The following PTPRD variants were observed in gnomAD, a reference collection of about 807,000 sequenced individuals.
PTPRD encodes the protein protein tyrosine phosphatase receptor type D.
A neutral mutation model predicts 214.5 loss-of-function variants in PTPRD; 34 were observed. The observed-to-expected ratio is 0.16, with a 90% CI of 0.12 to 0.21. The LOEUF (loss-of-function observed/expected upper bound fraction) is 0.21. Among genes scored for constraint, PTPRD ranks in the 10% least tolerant of loss-of-function variants. The pLI is 1.00. For missense variants in PTPRD, 2,545 were observed against 2,398.7 expected (o/e 1.06, Z -1.27); for synonymous variants, 1,128 against 845.7 (o/e 1.33, Z -5.79).
chr9:10,563,037 C>T (rs1013664415), intron 2 of PTPRD, among the ~76,000 whole-genome samples: 2 of 152,108 alleles, frequency 1.3e-5, no homozygotes, highest in African/African-American at 2.4e-5. Flanking sequence ...TACTACAGAG[C>T]CTAGACATAA....
chr9:10,340,270 G>A (rs561178977), intron 3 of PTPRD, among the ~76,000 whole-genome samples: 72 of 151,832 alleles, frequency 4.7e-4, no homozygotes, highest in Admixed American at 1.3e-3. Flanking sequence ...TTCTCATAGC[G>A]ACCAGTTTTC....
intron 2 of PTPRD, among the ~76,000 whole-genome samples, chr9:10,478,214 C>A (rs966116891): frequency 9.9e-5 from 15 of 152,072 alleles, no homozygotes; most frequent in African/African-American, 3.6e-4. Flanking sequence ...AAAGTATAGT[C>A]ATTATTTCCC....
At position 8,389,265 on chromosome 9, in the gene PTPRD, A is replaced by G. The variant is rs765793668; in HGVS notation, c.4353T>C (p.Val1451=). ...RMIWEQRSAT[V]VMMTKLEERS... ...TTTCTTCTAGTTTTGTCATCATGAC[A>G]ACTGTGGCACTCCGTTGTTCCCATA... The change falls in exon 37 of 46, where the codon GTT becomes GTC. Residue 1451 remains valine, a synonymous_variant. Transcript: ENST00000381196. 1 of 1,611,976 alleles carries G rather than the reference A, an allele frequency of 6.2e-7. No individual in the cohort carries two copies. The highest frequency in any genetic ancestry group is 1.1e-5 in the South Asian group (1 of 90,714).
intron 3 of PTPRD, among the ~76,000 whole-genome samples, chr9:10,118,237 T>A (rs2098746957): frequency 6.6e-6 from 1 of 151,862 alleles, no homozygotes; most frequent in Non-Finnish European, 1.5e-5. Flanking sequence ...TCTATCTACA[T>A]ATATCCATTA....
intron 5 of PTPRD, among the ~76,000 whole-genome samples, chr9:9,865,203 C>T (rs1422069538): frequency 4.6e-5 from 7 of 152,202 alleles, no homozygotes; most frequent in Admixed American, 2.6e-4. Flanking sequence ...AGCAATAAAT[C>T]TATTTACATT....
At chr9:9,567,008 C>T (rs1379055487) in intron 8 of PTPRD, among the ~76,000 whole-genome samples, 1 of 151,924 alleles carries the variant, frequency 6.6e-6, no homozygotes, top group Non-Finnish European at 1.5e-5. Context: ...GTGGAAAGTC[C>T]ATTGCCGAGA....
chr9:8,869,821 A>C (rs527930682), intron 11 of PTPRD, among the ~76,000 whole-genome samples: 99 of 152,054 alleles, frequency 6.5e-4, no homozygotes, highest in African/African-American at 2.3e-3. Flanking sequence ...TTATTCTTAC[A>C]GTCAGTTGTC....
intron 3 of PTPRD, among the ~76,000 whole-genome samples, chr9:10,069,960 AATATGTGCC>A (rs751064455): frequency 5.3e-5 from 8 of 152,082 alleles, no homozygotes; most frequent in Non-Finnish European, 1.0e-4. Flanking sequence ...ACTATTTCAA[AATATGTGCC>A]ATGAACACAC....
intron 8 of PTPRD, among the ~76,000 whole-genome samples, chr9:9,516,807 A>C (rs2096849952): frequency 6.7e-6 from 1 of 148,816 alleles, no homozygotes. Flanking sequence ...AAGTGCTGGG[A>C]TTACAGGTGT....
At chr9:9,049,522 G>T (rs1380994992) in intron 10 of PTPRD, among the ~76,000 whole-genome samples, 1 of 152,166 alleles carries the variant, frequency 6.6e-6, no homozygotes, top group Non-Finnish European at 1.5e-5. Context: ...TGACTATAGA[G>T]TTGAGCTTAT....
intron 11 of PTPRD, among the ~76,000 whole-genome samples, chr9:8,850,077 G>T (rs188599377): frequency 3.0e-3 from 454 of 152,234 alleles, no homozygotes; most frequent in Non-Finnish European, 4.1e-3. Context: ...TTCTGATCAA[G>T]GGATAACTCA....
chr9:9,110,324 G>A (rs1292312390), intron 10 of PTPRD, among the ~76,000 whole-genome samples: 2 of 151,976 alleles, frequency 1.3e-5, no homozygotes, highest in Admixed American at 6.6e-5. Flanking sequence ...CATCATCTGG[G>A]AGCATTATAG....
At chr9:8,406,789 C>G (rs536620610) in intron 35 of PTPRD, among the ~76,000 whole-genome samples, 13 of 152,236 alleles carry the variant, frequency 8.5e-5, no homozygotes, top group African/African-American at 2.6e-4. Context: ...TATCATATGG[C>G]TTAGTGATTA....
intron 2 of PTPRD, among the ~76,000 whole-genome samples, chr9:10,343,913 T>C (rs942322014): frequency 2.0e-5 from 3 of 151,568 alleles, no homozygotes; most frequent in Middle Eastern, 3.2e-3. Flanking sequence ...ATTAGCTCTT[T>C]GTCAGATGGG....
intron 9 of PTPRD, among the ~76,000 whole-genome samples, chr9:9,388,853 T>C (rs937542488): frequency 3.3e-5 from 5 of 152,108 alleles, no homozygotes; most frequent in African/African-American, 1.2e-4. Flanking sequence ...TCTGAGATAA[T>C]GAGTATAAGG....
chr9:10,221,330 T>C (rs1594622975), intron 3 of PTPRD, among the ~76,000 whole-genome samples: 1 of 152,030 alleles, frequency 6.6e-6, no homozygotes, highest in South Asian at 2.1e-4. Context: ...GACACACACC[T>C]CTGCATACTC....
In PTPRD at chr9:9,023,393, G is replaced by A. The variant is rs754583735; in HGVS notation, c.-142-4658C>T. 2.9e-4 allele frequency among the ~76,000 whole-genome samples: 44 copies of A among 151,914 alleles called. 1 individual carries two copies. Among genetic ancestry groups the A allele is most frequent in the East Asian group, 9.7e-4 (5 of 5,166 alleles). On this transcript the variant is annotated intron_variant, in intron 10 of 45. Coordinates refer to ENST00000381196, the MANE Select transcript of PTPRD (RefSeq NM_002839.4). The stretch of plus-strand genomic sequence containing the variant: ...TCTTTCTTTTTACTTTGCACACTTT[G>A]CTGAATATGAATTTTTGGCACACAT...
At chr9:9,136,317 T>C (rs1326879951) in intron 10 of PTPRD, among the ~76,000 whole-genome samples, 2 of 152,164 alleles carry the variant, frequency 1.3e-5, no homozygotes, top group African/African-American at 4.8e-5. Flanking sequence ...ATTACTTTAT[T>C]ATAAGGTGTT....
At chr9:9,534,479 A>C (rs2076123222) in intron 8 of PTPRD, among the ~76,000 whole-genome samples, 1 of 152,078 alleles carries the variant, frequency 6.6e-6, no homozygotes, top group Non-Finnish European at 1.5e-5. Flanking sequence ...TTTATTGACA[A>C]AGGGGATGAC....
Sources: allele counts gnomAD v4.1 joint callset (sites outside exome capture counted in the v4.1 genomes callset), GRCh38; gene constraint gnomAD v4.1.1; transcripts MANE v1.5; gene names NCBI Gene and HGNC (gene_info 2026-07-23, HGNC 2026-07-21).